Variants in PARD3 observed in about 807,000 individuals in gnomAD.
The protein encoded by PARD3 is par-3 family cell polarity regulator, also known as partitioning defective 3 homolog.
In PARD3, 75 loss-of-function variants were observed where a neutral mutation model predicts 155.4. The observed-to-expected ratio is 0.48, with a 90% CI of 0.40 to 0.58. PARD3 has a LOEUF of 0.58. Among genes scored for constraint, PARD3 ranks in the 20% least tolerant of loss-of-function variants. The pLI, the probability that PARD3 is intolerant of heterozygous loss-of-function variation, is 0.00. For synonymous variants in PARD3, 576 were observed against 610.5 expected, an observed-to-expected ratio of 0.94 and a Z score of 0.83; for missense variants, 1,642 against 1,721.7, an observed-to-expected ratio of 0.95 and a Z score of 0.82.
intron 24 of PARD3, among the ~76,000 whole-genome samples, chr10:34,114,180 T>G (rs983749634): frequency 6.6e-6 from 1 of 151,960 alleles, no homozygotes; most frequent in Non-Finnish European, 1.5e-5. Context: ...GAGAATTGCT[T>G]GAGCCCAGGA....
intron 23 of PARD3, among the ~76,000 whole-genome samples, chr10:34,129,074 T>C (rs1354385112): frequency 6.6e-6 from 1 of 152,236 alleles, no homozygotes; most frequent in East Asian, 1.9e-4. Flanking sequence ...GGGTTCTACT[T>C]GCATCTGCTT....
intron 21 of PARD3, among the ~76,000 whole-genome samples, chr10:34,281,138 G>A (rs760340266): frequency 3.9e-5 from 6 of 152,254 alleles, no homozygotes; most frequent in Non-Finnish European, 7.4e-5. Flanking sequence ...CTGAAGTTAC[G>A]TAGATCACTT....
At chr10:34,808,378 C>G (rs1843668874) in intron 1 of PARD3, among the ~76,000 whole-genome samples, 1 of 152,012 alleles carries the variant, frequency 6.6e-6, no homozygotes, top group Admixed American at 6.6e-5. Flanking sequence ...AATCAGTCAT[C>G]TTTCTACTTT....
At chr10:34,325,747 C>T (rs1834944040) in intron 19 of PARD3, among the ~76,000 whole-genome samples, 1 of 152,126 alleles carries the variant, frequency 6.6e-6, no homozygotes, top group East Asian at 1.9e-4. Flanking sequence ...AGAAAAACCA[C>T]AGGACTGAGA....
At chr10:34,171,292 G>A (rs1949777427) in intron 22 of PARD3, among the ~76,000 whole-genome samples, 1 of 152,140 alleles carries the variant, frequency 6.6e-6, no homozygotes, top group African/African-American at 2.4e-5. Flanking sequence ...AGATAATCGA[G>A]GTTGCCTTTT....
At chr10:34,112,202 G>A (rs1207571146) in intron 24 of PARD3, among the ~76,000 whole-genome samples, 5 of 152,270 alleles carry the variant, frequency 3.3e-5, no homozygotes, top group African/African-American at 7.2e-5. Flanking sequence ...CAGATTGGAC[G>A]GAGAGTCCGG....
intron 7 of PARD3, among the ~76,000 whole-genome samples, chr10:34,398,822 A>T (rs1843607734): frequency 6.6e-6 from 1 of 152,206 alleles, no homozygotes; most frequent in South Asian, 2.1e-4. Context: ...TTTTAGACTC[A>T]AGGTTCAGAA....
chr10:34,784,732 C>T (rs1370104987), intron 1 of PARD3, among the ~76,000 whole-genome samples: 5 of 152,136 alleles, frequency 3.3e-5, no homozygotes, highest in African/African-American at 7.2e-5. Flanking sequence ...CCACCGTGCC[C>T]GGCCCCAATA....
chr10:34,512,856 T>A (rs889675335), intron 3 of PARD3, among the ~76,000 whole-genome samples: 3 of 152,172 alleles, frequency 2.0e-5, no homozygotes, highest in Non-Finnish European at 4.4e-5. Flanking sequence ...AATATTATAA[T>A]TTCCCATCTC....
chr10:34,400,979 G>C (rs1015285684), intron 6 of PARD3, among the ~76,000 whole-genome samples: 3 of 152,094 alleles, frequency 2.0e-5, no homozygotes, highest in African/African-American at 7.2e-5. Flanking sequence ...GGCATGGCAA[G>C]TACTTTACTA....
At chr10:34,628,820 G>C (rs1352423518) in intron 2 of PARD3, among the ~76,000 whole-genome samples, 1 of 152,216 alleles carries the variant, frequency 6.6e-6, no homozygotes, top group East Asian at 1.9e-4. Flanking sequence ...AAAAAAGAAA[G>C]TGGAGAGAAA....
chr10:34,318,203 G>A (rs1958137382), intron 19 of PARD3, among the ~76,000 whole-genome samples: 1 of 152,142 alleles, frequency 6.6e-6, no homozygotes, highest in South Asian at 2.1e-4. Context: ...ACTGAAGTAA[G>A]TCTCCCCCTA....
chr10:34,729,271 CT>C (rs2094774073), intron 1 of PARD3, among the ~76,000 whole-genome samples: 1 of 152,174 alleles, frequency 6.6e-6, no homozygotes, highest in Non-Finnish European at 1.5e-5. Flanking sequence ...AGGCTCATGC[CT>C]ATAATCCTAG....
intron 22 of PARD3, among the ~76,000 whole-genome samples, chr10:34,181,988 G>A (rs1173504125): frequency 6.6e-6 from 1 of 152,200 alleles, no homozygotes; most frequent in Non-Finnish European, 1.5e-5. Flanking sequence ...GAACGTGTCA[G>A]ATAAGAATTT....
At chr10:34,298,343 C>A (rs2582857) in intron 20 of PARD3, among the ~76,000 whole-genome samples, 104,913 of 152,044 alleles carry the variant, frequency 0.69, 37,422 homozygotes, top group African/African-American at 0.88. Context: ...TTATTACAAC[C>A]GCTAGCGTGC....
chr10:34,701,422 G>A (rs987064771), intron 1 of PARD3, among the ~76,000 whole-genome samples: 1 of 151,944 alleles, frequency 6.6e-6, no homozygotes, highest in African/African-American at 2.4e-5. Flanking sequence ...GGGAAATGAG[G>A]GAAACACAGT....
chr10:34,217,784 T>C (rs941653776), intron 22 of PARD3, among the ~76,000 whole-genome samples: 1 of 152,192 alleles, frequency 6.6e-6, no homozygotes, highest in Non-Finnish European at 1.5e-5. Flanking sequence ...GGCTTTGTTC[T>C]AGGTACTAGG....
intron 2 of PARD3, among the ~76,000 whole-genome samples, chr10:34,685,681 C>A (rs2093944974): frequency 6.6e-6 from 1 of 151,928 alleles, no homozygotes; most frequent in African/African-American, 2.4e-5. Flanking sequence ...ACAACCTCCG[C>A]CTCCTGGCCC....
intron 5 of PARD3, among the ~76,000 whole-genome samples, chr10:34,443,351 A>G (rs2076566666): frequency 6.6e-6 from 1 of 152,182 alleles, no homozygotes; most frequent in South Asian, 2.1e-4. Context: ...CTTCTCAAAT[A>G]ATTTTTGAAT....
Sources: gnomAD v4.1 joint callset for allele counts (sites outside exome capture counted in the v4.1 genomes callset) on GRCh38, gnomAD v4.1.1 for gene constraint, MANE v1.5 for transcripts, NCBI Gene and HGNC (gene_info 2026-07-23, HGNC 2026-07-21) for gene names.